The following C14orf39 variants were observed in gnomAD, a reference collection of about 807,000 sequenced individuals.
C14orf39 encodes protein SIX6OS1.
A neutral mutation model predicts 85.6 loss-of-function variants in C14orf39; 66 were observed. The observed-to-expected ratio is 0.77, with a 90% CI of 0.63 to 0.95. The LOEUF (loss-of-function observed/expected upper bound fraction) is 0.95, where lower values mean the gene tolerates loss of function less well. C14orf39 is among the 40% of genes least tolerant of loss of function. The pLI is 0.00. For missense variants in C14orf39, 735 were observed against 663.9 expected (o/e 1.11, Z -1.18); for synonymous variants, 242 against 214.0 (o/e 1.13, Z -1.14).
intron 14 of C14orf39, among the ~76,000 whole-genome samples, chr14:60,457,489 C>G (rs1034063972): frequency 6.6e-6 from 1 of 151,854 alleles, no homozygotes; most frequent in Non-Finnish European, 1.5e-5. Flanking sequence ...AGCAATCTTG[C>G]TCTCATTGAT....
intron 1 of C14orf39, among the ~76,000 whole-genome samples, chr14:60,513,423 G>A (rs1893322356): frequency 6.6e-6 from 1 of 152,186 alleles, no homozygotes; most frequent in African/African-American, 2.4e-5. Context: ...AGTGCAGCAA[G>A]TGCAAGGCAC....
At chr14:60,459,158 T>C (rs1349435761) in intron 13 of C14orf39, among the ~76,000 whole-genome samples, 1 of 151,892 alleles carries the variant, frequency 6.6e-6, no homozygotes, top group African/African-American at 2.4e-5. Context: ...TGCTCTTATG[T>C]TTTGGTTTTT....
chr14:60,505,024 T>A lies in C14orf39; in HGVS notation c.-143-5594A>T, dbSNP rs562301911. Among the ~76,000 whole-genome samples the A allele has an allele frequency of 2.0e-5, 3 of 152,358 alleles. No homozygotes were observed. In the South Asian group the frequency reaches 6.2e-4, roughly 32 times the overall value. ...CTTTAAAATGTCATTTAAAAATAGC[T>A]GATGAAGAATAATAACAAAATATAC... On this transcript the variant is annotated intron_variant, in intron 1 of 5. Coordinates refer to the C14orf39 transcript ENST00000556799.
At chr14:60,509,482 G>A (rs1893256796) in intron 1 of C14orf39, 1 of 1,601,480 alleles carries the variant, frequency 6.2e-7, no homozygotes, top group Admixed American at 1.7e-5. Context: ...GCGATGTGGA[G>A]CGCCTGGGTC....
At chr14:60,449,904 C>T (rs1472337910) in intron 16 of C14orf39, among the ~76,000 whole-genome samples, 1 of 152,156 alleles carries the variant, frequency 6.6e-6, no homozygotes, top group Non-Finnish European at 1.5e-5. Flanking sequence ...GCTGGATTTT[C>T]CTAATGCAGT....
At chr14:60,501,189 C>T (rs371663543) in intron 1 of C14orf39, among the ~76,000 whole-genome samples, 18 of 151,512 alleles carry the variant, frequency 1.2e-4, no homozygotes, top group Admixed American at 4.0e-4. Context: ...TATCTGTAGT[C>T]CTAGATACTA....
chr14:60,486,733 CAA>C (rs1892902082), upstream of C14orf39, among the ~76,000 whole-genome samples: 1 of 152,176 alleles, frequency 6.6e-6, no homozygotes, highest in African/African-American at 2.4e-5. Context: ...ATAATTGTCT[CAA>C]GTCACCAAAA....
At chr14:60,508,563 T>C (rs1326695479) in intron 1 of C14orf39, among the ~76,000 whole-genome samples, 1 of 152,182 alleles carries the variant, frequency 6.6e-6, no homozygotes, top group Non-Finnish European at 1.5e-5. Flanking sequence ...TGACCTCTTC[T>C]ACAGATCCCT....
At chr14:60,486,282 C>G (rs557012210), upstream of C14orf39, among the ~76,000 whole-genome samples, 1 of 152,224 alleles carries the variant, frequency 6.6e-6, no homozygotes, top group Admixed American at 6.5e-5. Context: ...AAGTAGAGAC[C>G]TGTCAGAGAC....
At chr14:60,441,328 C>T (rs1049503397) in intron 17 of C14orf39, among the ~76,000 whole-genome samples, 6 of 152,150 alleles carry the variant, frequency 3.9e-5, no homozygotes, top group African/African-American at 1.4e-4. Flanking sequence ...AGCAGCCTGA[C>T]ATGTTCCTTG....
chr14:60,495,832 C>T, intron 2 of C14orf39: 1 of 295,346 alleles, frequency 3.4e-6, no homozygotes, highest in Non-Finnish European at 6.7e-6. Context: ...TGAGGTGTTC[C>T]ATGGCTTCCT....
At position 60,436,021 on chromosome 14, in the gene C14orf39, A is replaced by G. The variant is rs895484684; in HGVS notation, c.*824T>C. ...AATTTACAAAGCACAAAATACAATG[A>G]TATTGAGCAAAATGTTTACAGAAGT... On this transcript the variant is annotated 3_prime_UTR_variant, in exon 18 of 18. Transcript: ENST00000321731. 6.6e-6 allele frequency: 1 copy of G among 152,158 alleles called. No homozygotes were observed. Among genetic ancestry groups the G allele is most frequent in the Admixed American group, 6.6e-5 (1 of 15,258 alleles). 9.4% of individuals were successfully genotyped at this position (152,158 alleles called of 1,614,324 possible).
chr14:60,483,927 G>T, intron 3 of C14orf39, 110 bp from the exon 4 acceptor site: 1 of 695,436 alleles, frequency 1.4e-6, no homozygotes, highest in Non-Finnish European at 2.3e-6. Context: ...GAGAGCCAGA[G>T]AATGGAGAGG....
rs1893349440 is a variant in C14orf39, at chr14:60,515,260, C to T, written c.-144+135G>A. On this transcript the variant is annotated intron_variant, in intron 1 of 5. Transcript: ENST00000556799. The surrounding 1 kb of genome is among the most constrained non-coding windows in gnomAD (Gnocchi z 6.2). ...CGGGGAGGCGCCCCAAGCCACGGTC[C>T]GCTCCCAAAGAGAAGCCCAGACTGG... is the stretch of plus-strand genomic sequence containing the variant. 1 of 151,836 alleles carries T rather than the reference C, an allele frequency of 6.6e-6. No homozygotes were observed. The highest frequency in any genetic ancestry group is 2.1e-4 in the South Asian group (1 of 4,820). 9.4% of individuals were successfully genotyped at this position (151,836 alleles called of 1,614,324 possible). A position where few individuals can be genotyped will look rare whatever the true frequency, so the allele number is the denominator to read the frequency against.
At chr14:60,502,771 C>T (rs1449631380) in intron 1 of C14orf39, among the ~76,000 whole-genome samples, 1 of 152,224 alleles carries the variant, frequency 6.6e-6, no homozygotes. Context: ...GCAGCCTCCT[C>T]TCTGTGTTTC....
At chr14:60,442,283 G>A in intron 16 of C14orf39, 152 bp from the exon 17 acceptor site, 1 of 464,334 alleles carries the variant, frequency 2.2e-6, no homozygotes, top group Non-Finnish European at 3.9e-6. Context: ...TACTTAAAAA[G>A]ATCTATCTTC....
chr14:60,453,642 G>T, intron 16 of C14orf39, among the ~76,000 whole-genome samples: 1 of 150,980 alleles, frequency 6.6e-6, no homozygotes. Context: ...TCTACCTTGT[G>T]GGGTTGAATT....
intron 1 of C14orf39, among the ~76,000 whole-genome samples, chr14:60,505,569 A>C (rs74572966): frequency 1.3e-4 from 20 of 152,338 alleles, no homozygotes; most frequent in Non-Finnish European, 2.4e-4. Context: ...GATCTCTTCC[A>C]AAGTCCAAAT....
intron 1 of C14orf39, among the ~76,000 whole-genome samples, chr14:60,505,851 G>A (rs1956557): frequency 0.86 from 130,952 of 152,168 alleles, 57,015 homozygotes; most frequent in Non-Finnish European, 0.92. Flanking sequence ...AGCAGGGTGT[G>A]ACCAGGATTC....
Sources: gnomAD v4.1 joint callset for allele counts (sites outside exome capture counted in the v4.1 genomes callset) on GRCh38, gnomAD v4.1.1 for gene constraint, Gnocchi (gnomAD v3.1) non-coding constraint, MANE v1.5 for transcripts, NCBI Gene and HGNC (gene_info 2026-07-23, HGNC 2026-07-21) for gene names.